The following VSNL1 variants were observed in gnomAD, a reference collection of about 807,000 sequenced individuals.
VSNL1 encodes the protein visinin-like protein 1.
Under a neutral mutation model 20.4 loss-of-function variants are expected in VSNL1, and 6 were observed. The observed-to-expected ratio is 0.29, with a 90% CI of 0.16 to 0.58. VSNL1 has a LOEUF of 0.58. Among genes scored for constraint, VSNL1 ranks in the 20% least tolerant of loss-of-function variants. VSNL1 has a pLI of 0.90. For missense variants in VSNL1, 100 were observed against 234.5 expected (o/e 0.43, Z 3.75); for synonymous variants, 93 against 86.4 (o/e 1.08, Z -0.42).
rs1305459717 is a variant in VSNL1 at position 17,649,663 on chromosome 2, G to A, written c.378+38G>A. Reference sequence around the variant, plus strand: ...GTGTGGTTGGCGGGTGGTGGGCACAGAAGGAGACCCCACGGCAGCCTCCTA... The same window carrying A: ...GTGTGGTTGGCGGGTGGTGGGCACAAAAGGAGACCCCACGGCAGCCTCCTA... On this transcript the variant is annotated intron_variant, in intron 3 of 3. Coordinates refer to ENST00000295156, the MANE Select transcript of VSNL1 (RefSeq NM_003385.5). This position sits in a 1 kb window ranked among gnomAD's most constrained non-coding sequence, Gnocchi z 6.4. 4 of 1,604,638 alleles carry A rather than the reference G, an allele frequency of 2.5e-6. No homozygotes were observed. Among genetic ancestry groups the A allele is most frequent in the Non-Finnish European group, 3.4e-6 (4 of 1,172,802 alleles).
chr2:17,632,325 T>G (rs925797036), intron 2 of VSNL1, among the ~76,000 whole-genome samples: 1 of 152,038 alleles, frequency 6.6e-6, no homozygotes, highest in Non-Finnish European at 1.5e-5. Context: ...TGCTTTGAGA[T>G]GGAGTCTTGC....
At chr2:17,585,104 T>C (rs1344492738) in intron 1 of VSNL1, among the ~76,000 whole-genome samples, 1 of 152,188 alleles carries the variant, frequency 6.6e-6, no homozygotes, top group East Asian at 1.9e-4. Context: ...ATTCAGTCTG[T>C]GCCCCCTCCT....
intron 1 of VSNL1, among the ~76,000 whole-genome samples, chr2:17,588,381 G>A (rs1450590306): frequency 2.0e-5 from 3 of 152,170 alleles, no homozygotes; most frequent in African/African-American, 7.2e-5. Context: ...GGGAAATGGA[G>A]TAACTAGGAA....
chr2:17,611,419 T>G (rs1665083230), intron 2 of VSNL1, among the ~76,000 whole-genome samples: 1 of 152,204 alleles, frequency 6.6e-6, no homozygotes, highest in Non-Finnish European at 1.5e-5. Context: ...TACACCCAGC[T>G]CTGTGGTGAG....
At chr2:17,610,504 G>A (rs1665058852) in intron 2 of VSNL1, among the ~76,000 whole-genome samples, 1 of 152,146 alleles carries the variant, frequency 6.6e-6, no homozygotes, top group African/African-American at 2.4e-5. Flanking sequence ...GCAGCAGGAA[G>A]CACTTGCAAT....
At chr2:17,602,189 G>A (rs1210723931) in intron 2 of VSNL1, among the ~76,000 whole-genome samples, 1 of 152,184 alleles carries the variant, frequency 6.6e-6, no homozygotes, top group African/African-American at 2.4e-5. Flanking sequence ...GCACCTGCGG[G>A]AAGAAGGCTT....
At chr2:17,647,704 T>C (rs1381196405) in intron 2 of VSNL1, among the ~76,000 whole-genome samples, 1 of 152,176 alleles carries the variant, frequency 6.6e-6, no homozygotes, top group African/African-American at 2.4e-5. Context: ...ACAGCTCATT[T>C]ACTGAGCTTT....
chr2:17,556,172 T>C (rs995167191), intron 1 of VSNL1, among the ~76,000 whole-genome samples: 22 of 152,208 alleles, frequency 1.4e-4, no homozygotes, highest in Admixed American at 5.2e-4. Flanking sequence ...ACCCTGACTT[T>C]TACTTCCATT....
chr2:17,542,461 A>G (rs1312709116), intron 1 of VSNL1, among the ~76,000 whole-genome samples: 1 of 152,204 alleles, frequency 6.6e-6, no homozygotes, highest in Non-Finnish European at 1.5e-5. Context: ...TGTGGGGGCC[A>G]TCAAATAGGG....
intron 1 of VSNL1, among the ~76,000 whole-genome samples, chr2:17,548,614 TC>T (rs1236526918): frequency 6.6e-6 from 1 of 152,126 alleles, no homozygotes; most frequent in African/African-American, 2.4e-5. Context: ...TAATTCCTTC[TC>T]CCCCTGCACA....
intron 2 of VSNL1, among the ~76,000 whole-genome samples, chr2:17,593,938 T>C (rs73921003): frequency 0.11 from 16,740 of 152,258 alleles, 1,193 homozygotes; most frequent in African/African-American, 0.2. Context: ...AACAAGGTTT[T>C]TCAAAGTCAC....
chr2:17,611,107 A>C (rs1665073660), intron 2 of VSNL1, among the ~76,000 whole-genome samples: 1 of 152,202 alleles, frequency 6.6e-6, no homozygotes, highest in African/African-American at 2.4e-5. Context: ...AATTACAGCA[A>C]ATGCTTATGT....
intron 1 of VSNL1, among the ~76,000 whole-genome samples, chr2:17,568,938 T>G (rs1361495176): frequency 1.3e-5 from 2 of 152,216 alleles, no homozygotes; most frequent in Non-Finnish European, 2.9e-5. Flanking sequence ...TTTAGACTAA[T>G]GGCTCTTCCT....
intron 1 of VSNL1, among the ~76,000 whole-genome samples, chr2:17,557,613 T>C (rs553947160): frequency 2.6e-3 from 402 of 152,342 alleles, no homozygotes; most frequent in Middle Eastern, 0.01. Flanking sequence ...CTGAGATTGC[T>C]ACTAACACTC....
At chr2:17,619,297 T>G (rs1665291488) in intron 2 of VSNL1, among the ~76,000 whole-genome samples, 3 of 152,166 alleles carry the variant, frequency 2.0e-5, no homozygotes, top group African/African-American at 7.2e-5. Flanking sequence ...ACCCACATGG[T>G]GGAGGCCTGG....
At chr2:17,572,910 A>G (rs1424091187) in intron 1 of VSNL1, among the ~76,000 whole-genome samples, 1 of 152,154 alleles carries the variant, frequency 6.6e-6, no homozygotes, top group South Asian at 2.1e-4. Context: ...CTGTCCTTCC[A>G]TAATAGCCAC....
intron 2 of VSNL1, among the ~76,000 whole-genome samples, chr2:17,627,603 CG>C (rs1300884672): frequency 3.3e-5 from 5 of 152,034 alleles, no homozygotes; most frequent in Non-Finnish European, 7.4e-5. Context: ...GAGTTGAAGC[CG>C]TTGTCTTGTG....
intron 2 of VSNL1, among the ~76,000 whole-genome samples, chr2:17,611,573 G>T (rs1258449241): frequency 2.6e-5 from 4 of 152,204 alleles, no homozygotes; most frequent in Admixed American, 2.6e-4. Context: ...CCTTGAACTT[G>T]GTCAAAGAGT....
At chr2:17,572,252 T>G (rs1324660249) in intron 1 of VSNL1, among the ~76,000 whole-genome samples, 2 of 152,214 alleles carry the variant, frequency 1.3e-5, no homozygotes, top group Non-Finnish European at 2.9e-5. Flanking sequence ...AGAAACTAGA[T>G]AGCAAGTGGA....
Sources: allele counts gnomAD v4.1 joint callset (sites outside exome capture counted in the v4.1 genomes callset), GRCh38; gene constraint gnomAD v4.1.1; non-coding constraint Gnocchi (gnomAD v3.1); transcripts MANE v1.5; gene names NCBI Gene and HGNC (gene_info 2026-07-23, HGNC 2026-07-21).